The following PCDH11Y variants were observed in gnomAD, a reference collection of about 807,000 sequenced individuals.
The protein encoded by PCDH11Y is protocadherin 11 Y-linked.
For synonymous variants in PCDH11Y, 9 were observed against 83.6 expected, an observed-to-expected ratio of 0.11 and a Z score of 4.87; for missense variants, 12 against 224.8, an observed-to-expected ratio of 0.05 and a Z score of 6.05.
At chrY:5,127,579 G>A in intron 2 of PCDH11Y, among the ~76,000 whole-genome samples, 1 of 32,454 alleles carries the variant, frequency 3.1e-5, no homozygotes, top group African/African-American at 1.2e-4. Context: ...ATACTCTAAC[G>A]GATAATCTAT....
chrY:5,625,824 T>G (rs2053506428), intron 4 of PCDH11Y, among the ~76,000 whole-genome samples: 1 of 18,103 alleles, frequency 5.5e-5, no homozygotes, highest in African/African-American at 2.0e-4. Flanking sequence ...AGTTTGCTAG[T>G]TTTTTTTTTT....
At chrY:5,653,292 A>T in intron 4 of PCDH11Y, among the ~76,000 whole-genome samples, 1 of 31,732 alleles carries the variant, frequency 3.2e-5, no homozygotes, top group Admixed American at 3.0e-4. Context: ...GCTTCAGAAG[A>T]TCAGTAATAA....
intron 1 of PCDH11Y, among the ~76,000 whole-genome samples, chrY:5,009,847 G>A: frequency 1.8e-4 from 6 of 33,741 alleles, no homozygotes; most frequent in Non-Finnish European, 3.7e-4. Flanking sequence ...GTGAAATATG[G>A]AAGCTTTTTG....
At chrY:5,734,606 G>A in intron 4 of PCDH11Y, among the ~76,000 whole-genome samples, 1 of 32,358 alleles carries the variant, frequency 3.1e-5, no homozygotes, top group Admixed American at 2.8e-4. Context: ...CAGAGCAGGT[G>A]TTCCAATCTC....
chrY:5,170,801 T>C (rs2124645545), intron 2 of PCDH11Y, among the ~76,000 whole-genome samples: 2 of 30,934 alleles, frequency 6.5e-5, no homozygotes, highest in South Asian at 7.5e-4. Context: ...CAAAAAGCTA[T>C]AGGTAAGAAG....
At chrY:5,408,287 C>A (rs2053243020) in intron 2 of PCDH11Y, among the ~76,000 whole-genome samples, 1 of 32,944 alleles carries the variant, frequency 3.0e-5, no homozygotes, top group African/African-American at 1.2e-4. Context: ...TTAGTTGGGG[C>A]ACAATGTATT....
chrY:5,108,163 CAG>C (rs2052796594), downstream of PCDH11Y, among the ~76,000 whole-genome samples: 3 of 31,804 alleles, frequency 9.4e-5, no homozygotes, highest in Non-Finnish European at 2.3e-4. Context: ...TGATGAGCTA[CAG>C]TGTACTGTAT....
At chrY:5,596,356 C>T in intron 4 of PCDH11Y, among the ~76,000 whole-genome samples, 2 of 33,036 alleles carry the variant, frequency 6.1e-5, no homozygotes, top group Admixed American at 5.5e-4. Flanking sequence ...CATGATAATC[C>T]ATATTTTGTT....
rs201695870 is a variant in PCDH11Y, at chrY:5,382,561, C to T, written c.3130-118496C>T. On this transcript the variant is annotated intron_variant, in intron 2 of 4. Coordinates refer to the PCDH11Y transcript ENST00000400457. ...TTAAAATGAGGTGGTTCTGGCAATA[C>T]GTTAGTTTTTGTTAAAATGACATTT... 1.6e-3 allele frequency among the ~76,000 whole-genome samples: 52 copies of T among 32,810 alleles called. No individual in the cohort carries two copies. The East Asian group carries it at 0.042, about 27-fold the overall frequency. The allele number at this position is 32,810 out of a possible 37,273, so 88.0% of individuals were successfully genotyped here.
intron 2 of PCDH11Y, among the ~76,000 whole-genome samples, chrY:5,400,367 A>G: frequency 2.9e-5 from 1 of 34,620 alleles, no homozygotes; most frequent in Non-Finnish European, 7.2e-5. Flanking sequence ...AATATGTCAC[A>G]GTGCTGCAGA....
At chrY:5,560,010 G>T in intron 3 of PCDH11Y, among the ~76,000 whole-genome samples, 1 of 33,161 alleles carries the variant, frequency 3.0e-5, no homozygotes, top group Non-Finnish European at 7.4e-5. Flanking sequence ...GAGACTTGTT[G>T]AATGGCTTTG....
At chrY:5,215,478 G>A (rs2124651611) in intron 2 of PCDH11Y, among the ~76,000 whole-genome samples, 1 of 26,440 alleles carries the variant, frequency 3.8e-5, no homozygotes, top group Admixed American at 3.7e-4. Context: ...CTACTCTGGT[G>A]GGGAGGAAGA....
At chrY:5,594,500 G>C in intron 4 of PCDH11Y, among the ~76,000 whole-genome samples, 1 of 32,684 alleles carries the variant, frequency 3.1e-5, no homozygotes, top group Non-Finnish European at 7.5e-5. Flanking sequence ...ACACACCGAG[G>C]GGACACGGAA....
At chrY:5,113,799 T>G (rs1602869771) in intron 2 of PCDH11Y, among the ~76,000 whole-genome samples, 3 of 17,511 alleles carry the variant, frequency 1.7e-4, no homozygotes, top group Non-Finnish European at 3.7e-4. Flanking sequence ...ATTAGAGGGG[T>G]GTGTGTGTGT....
In PCDH11Y at chrY:5,588,972, C is replaced by G. The variant is rs1602947222; in HGVS notation, c.3352+7174C>G. Among the ~76,000 whole-genome samples the G allele has an allele frequency of 3.9e-4, 13 of 33,051 alleles. No homozygotes were observed. In the East Asian group the frequency reaches 9.7e-3, roughly 25 times the overall value. 88.7% of individuals were successfully genotyped at this position (33,051 alleles called of 37,273 possible). A position where few individuals can be genotyped will look rare whatever the true frequency, so the allele number is the denominator to read the frequency against. The stretch of plus-strand genomic sequence containing the variant: ...TCTACCTCCTCTTTAAGGCCAGTTA[C>G]TCTTAGATTTGCTCTTTTGAGGCTG... On this transcript the variant is annotated intron_variant, in intron 4 of 4. Transcript: ENST00000400457.
At chrY:5,601,626 G>C in intron 4 of PCDH11Y, among the ~76,000 whole-genome samples, 2 of 32,419 alleles carry the variant, frequency 6.2e-5, no homozygotes, top group African/African-American at 2.4e-4. Flanking sequence ...AATTTTTTTA[G>C]CTAATTAGCT....
At chrY:5,520,668 G>A in intron 3 of PCDH11Y, among the ~76,000 whole-genome samples, 5 of 30,446 alleles carry the variant, frequency 1.6e-4, no homozygotes, top group Non-Finnish European at 3.9e-4. Flanking sequence ...TGAGTTGCAT[G>A]TTCAACCTAT....
intron 2 of PCDH11Y, among the ~76,000 whole-genome samples, chrY:5,312,137 G>C: frequency 3.0e-5 from 1 of 33,005 alleles, no homozygotes; most frequent in African/African-American, 1.2e-4. Flanking sequence ...TTGAGAGAGC[G>C]ATATCTCCGA....
At chrY:5,234,013 C>T in intron 2 of PCDH11Y, among the ~76,000 whole-genome samples, 2 of 31,810 alleles carry the variant, frequency 6.3e-5, no homozygotes, top group Admixed American at 5.9e-4. Context: ...CATACTAAGG[C>T]AATGCCATTA....
Sources: gnomAD v4.1 joint callset for allele counts (sites outside exome capture counted in the v4.1 genomes callset) on GRCh38, gnomAD v4.1.1 for gene constraint, MANE v1.5 for transcripts, NCBI Gene and HGNC (gene_info 2026-07-23, HGNC 2026-07-21) for gene names.